TMEM236: variants seen among roughly 807,000 people sequenced by gnomAD.
TMEM236 encodes the protein family with sequence similarity 23, member A.
In TMEM236, 11 loss-of-function variants were observed where a neutral mutation model predicts 14.7. The observed-to-expected ratio is 0.75, with a 90% CI of 0.47 to 1.24. The LOEUF is 1.24. TMEM236 is among the 50% of genes most tolerant of loss of function. TMEM236 has a pLI of 0.00. For synonymous variants in TMEM236, 182 were observed against 168.6 expected, an observed-to-expected ratio of 1.08 and a Z score of -0.62; for missense variants, 464 against 427.3, an observed-to-expected ratio of 1.09 and a Z score of -0.76.
Position 17,798,545 on chromosome 10 carries a change from T to A in TMEM236, c.*2041T>A. 1.9e-6 allele frequency: 1 copy of A among 534,316 alleles called. No homozygotes were observed. Among genetic ancestry groups the A allele is most frequent in the Non-Finnish European group, 3.8e-6 (1 of 259,850 alleles). 33.1% of individuals were successfully genotyped at this position (534,316 alleles called of 1,614,324 possible). A position where few individuals can be genotyped will look rare whatever the true frequency, so the allele number is the denominator to read the frequency against. On this transcript the variant is annotated 3_prime_UTR_variant, in exon 4 of 4. Transcript: ENST00000377495. ...CAGAGTGACACCCATCTAAAAAAAA[T>A]AAAAGAGAATTTGACGTTGTGTTAT...
At chr10:17,755,772 G>C (rs1837276387) in intron 1 of TMEM236, among the ~76,000 whole-genome samples, 1 of 152,132 alleles carries the variant, frequency 6.6e-6, no homozygotes, top group Non-Finnish European at 1.5e-5. Context: ...CCACAGCCCA[G>C]GAAGAAGCTC....
chr10:17,771,323 T>C lies in TMEM236; in HGVS notation c.272T>C (p.Met91Thr). Residue 91 changes from methionine to threonine, a missense_variant, in exon 2 of 4, where the codon ATG becomes ACG. Coordinates refer to ENST00000377495, the MANE Select transcript of TMEM236 (RefSeq NM_001098844.3). Reference protein sequence around the residue: ...RKIKGWRPVLMMCVVLTTLPC... With the variant: ...RKIKGWRPVLTMCVVLTTLPC... ...TCCTTTGCTAGGAGACCTGTTCTGA[T>C]GATGTGTGTGGTCCTCACCACACTG... The C allele has an allele frequency of 6.2e-7, 1 of 1,613,974 alleles. No individual in the cohort carries two copies. The highest frequency in any genetic ancestry group is 8.5e-7 in the Non-Finnish European group (1 of 1,179,834).
chr10:17,761,539 C>T (rs1041250302), intron 1 of TMEM236, among the ~76,000 whole-genome samples: 8 of 151,848 alleles, frequency 5.3e-5, no homozygotes, highest in African/African-American at 1.9e-4. Flanking sequence ...CTAAAAAATA[C>T]AAAAGTTAGC....
At position 17,798,610 on chromosome 10, in the gene TMEM236, C is replaced by G. The variant is rs1022449039; in HGVS notation, c.*2106C>G. On this transcript the variant is annotated 3_prime_UTR_variant, in exon 4 of 4. Coordinates refer to ENST00000377495, the MANE Select transcript of TMEM236 (RefSeq NM_001098844.3). Reference sequence around the variant, plus strand: ...AATACCTCTCCCCTTGCCACCCTGTCTCCCTTTCCCTCTGTTTTAGGATTT... The same window carrying G: ...AATACCTCTCCCCTTGCCACCCTGTGTCCCTTTCCCTCTGTTTTAGGATTT... 7.5e-6 allele frequency: 4 copies of G among 533,572 alleles called. No individual in the cohort carries two copies. The highest frequency in any genetic ancestry group is 3.8e-5 in the African/African-American group (2 of 51,978). 33.1% of individuals were successfully genotyped at this position (533,572 alleles called of 1,614,324 possible).
At chr10:17,755,652 C>A (rs1000999622) in intron 1 of TMEM236, among the ~76,000 whole-genome samples, 20 of 152,114 alleles carry the variant, frequency 1.3e-4, no homozygotes, top group Middle Eastern at 3.2e-3. Context: ...ACCTCTCACA[C>A]CCTGTAGGGG....
chr10:17,756,911 G>C (rs1439299689), intron 1 of TMEM236, among the ~76,000 whole-genome samples: 1 of 152,126 alleles, frequency 6.6e-6, no homozygotes, highest in Non-Finnish European at 1.5e-5. Context: ...ATCTGGCTCA[G>C]GTACCTCCCC....
In TMEM236 at chr10:17,800,496, A is replaced by G. The variant is rs1380714605; in HGVS notation, c.*3992A>G. ...TAATGTTTGAAATTACAATGTGTAAATGTTATCTCGTCTTGTTTTTCTTAT... is the reference window on the plus strand; with the variant it reads ...TAATGTTTGAAATTACAATGTGTAAGTGTTATCTCGTCTTGTTTTTCTTAT... On this transcript the variant is annotated 3_prime_UTR_variant, in exon 4 of 4. Coordinates refer to ENST00000377495, the MANE Select transcript of TMEM236 (RefSeq NM_001098844.3). 1 of 152,126 alleles carries G rather than the reference A, an allele frequency of 6.6e-6. No individual in the cohort carries two copies. Among genetic ancestry groups the G allele is most frequent in the Non-Finnish European group, 1.5e-5 (1 of 68,020 alleles). 9.4% of individuals were successfully genotyped at this position (152,126 alleles called of 1,614,324 possible). A position where few individuals can be genotyped will look rare whatever the true frequency, so the allele number is the denominator to read the frequency against.
At chr10:17,789,218 G>C (rs943430905) in intron 3 of TMEM236, among the ~76,000 whole-genome samples, 8 of 152,160 alleles carry the variant, frequency 5.3e-5, no homozygotes, top group Admixed American at 3.3e-4. Context: ...GCAAATATAA[G>C]AAACTCATGA....
At chr10:17,759,727 A>T (rs974879839) in intron 1 of TMEM236, among the ~76,000 whole-genome samples, 1 of 152,132 alleles carries the variant, frequency 6.6e-6, no homozygotes, top group Non-Finnish European at 1.5e-5. Flanking sequence ...GAGGCACAGG[A>T]GTTAGAAGAT....
At chr10:17,755,541 T>G (rs1295578395) in intron 1 of TMEM236, among the ~76,000 whole-genome samples, 1 of 152,184 alleles carries the variant, frequency 6.6e-6, no homozygotes, top group Non-Finnish European at 1.5e-5. Context: ...AGCATTATGT[T>G]GTTGGCACTG....
intron 1 of TMEM236, among the ~76,000 whole-genome samples, chr10:17,762,983 A>C (rs1837401285): frequency 6.6e-6 from 1 of 152,126 alleles, no homozygotes; most frequent in South Asian, 2.1e-4. Context: ...GTTAGCCAGC[A>C]TTATTTCCAG....
At chr10:17,785,084 C>G (rs1554835626) in intron 3 of TMEM236, among the ~76,000 whole-genome samples, 1 of 152,202 alleles carries the variant, frequency 6.6e-6, no homozygotes. Context: ...GGAACTGTTT[C>G]TTTCTGAGTT....
chr10:17,796,108 T>A lies in TMEM236; in HGVS notation c.660T>A (p.Cys220Ter). 3 of 1,613,878 alleles carry A rather than the reference T, an allele frequency of 1.9e-6. No individual in the cohort carries two copies. The highest frequency in any genetic ancestry group is 2.5e-6 in the Non-Finnish European group (3 of 1,179,836). Residue 220 changes from cysteine to a stop codon, truncating the protein, a stop_gained, in exon 4 of 4, where the codon TGT (cysteine) becomes TGA (stop). Coordinates refer to ENST00000377495, the MANE Select transcript of TMEM236 (RefSeq NM_001098844.3). LOFTEE classifies it low-confidence loss of function (END_TRUNC). ...SVFMGPQEPS[C>*]DSGILRMMSR... Reference sequence around the variant, plus strand: ...TCATGGGACCCCAGGAGCCCTCCTGTGACTCCGGAATCCTGAGAATGATGT... The same window carrying A: ...TCATGGGACCCCAGGAGCCCTCCTGAGACTCCGGAATCCTGAGAATGATGT...
At chr10:17,794,581 G>T (rs886839752) in intron 3 of TMEM236, among the ~76,000 whole-genome samples, 10 of 152,054 alleles carry the variant, frequency 6.6e-5, no homozygotes, top group African/African-American at 2.2e-4. Context: ...GTTGCATCAC[G>T]TGCCCTATTC....
chr10:17,774,304 T>G (rs1196601387), intron 2 of TMEM236, among the ~76,000 whole-genome samples: 1 of 152,164 alleles, frequency 6.6e-6, no homozygotes, highest in African/African-American at 2.4e-5. Context: ...CTTGGACCCC[T>G]GAAGTGCTGG....
chr10:17,778,827 TA>T (rs1283169948), intron 3 of TMEM236, among the ~76,000 whole-genome samples: 1 of 152,242 alleles, frequency 6.6e-6, no homozygotes, highest in Non-Finnish European at 1.5e-5. Flanking sequence ...AAATTTTAAA[TA>T]AGTTATTCTG....
chr10:17,760,762 G>A (rs1837350235), intron 1 of TMEM236, among the ~76,000 whole-genome samples: 1 of 152,186 alleles, frequency 6.6e-6, no homozygotes, highest in Admixed American at 6.5e-5. Flanking sequence ...TCACAATAAT[G>A]GCTGAAGGCA....
rs1468191154 is a variant in TMEM236 at position 17,771,387 on chromosome 10, G to A, written c.330+6G>A. The A allele has an allele frequency of 6.2e-7, 1 of 1,613,032 alleles. No homozygotes were observed. Among genetic ancestry groups the A allele is most frequent in the Admixed American group, 1.7e-5 (1 of 59,990 alleles). On this transcript the variant is annotated splice_donor_region_variant and intron_variant, in intron 2 of 3. Transcript: ENST00000377495. ...TTTCCATAGCAGTGACTGAGGTATG[G>A]AATTTTTGATTTCTTCTGCTACAAG...
chr10:17,757,811 C>T (rs1050976135), intron 1 of TMEM236, among the ~76,000 whole-genome samples: 18 of 152,058 alleles, frequency 1.2e-4, no homozygotes, highest in Admixed American at 3.9e-4. Flanking sequence ...CTCTGTTGCC[C>T]AGGCTAGAAT....
Sources: gnomAD v4.1 joint callset for allele counts (sites outside exome capture counted in the v4.1 genomes callset) on GRCh38, gnomAD v4.1.1 for gene constraint, MANE v1.5 for transcripts, NCBI Gene and HGNC (gene_info 2026-07-23, HGNC 2026-07-21) for gene names.